Variants in DPP10 observed in about 807,000 individuals in gnomAD.
DPP10 encodes the protein dipeptidyl peptidase like 10, also known as inactive dipeptidyl peptidase 10.
Under a neutral mutation model 120.9 loss-of-function variants are expected in DPP10, and 33 were observed. The ratio of observed to expected loss-of-function variants is 0.27; its 90% CI spans 0.21 to 0.37. DPP10 has a LOEUF of 0.37. DPP10 is among the 10% of genes least tolerant of loss of function. The probability of loss-of-function intolerance (pLI) is 1.00; values close to 1 mark genes in which losing one functional copy is unlikely to be tolerated. For missense variants in DPP10, 816 were observed against 942.8 expected (o/e 0.87, Z 1.76); for synonymous variants, 337 against 326.1 (o/e 1.03, Z -0.36).
At chr2:115,370,978 C>T (rs865964928) in intron 3 of DPP10, among the ~76,000 whole-genome samples, 8 of 152,010 alleles carry the variant, frequency 5.3e-5, no homozygotes, top group African/African-American at 9.7e-5. Flanking sequence ...TTTTTCTGCC[C>T]AAAGAGTTGT....
intron 1 of DPP10, among the ~76,000 whole-genome samples, chr2:114,895,340 C>A (rs1183933227): frequency 1.3e-5 from 2 of 152,228 alleles, no homozygotes; most frequent in Non-Finnish European, 2.9e-5. Flanking sequence ...TAGAGACTCA[C>A]CAAACCCCTT....
chr2:115,011,662 G>C (rs531147759), intron 1 of DPP10, among the ~76,000 whole-genome samples: 2 of 152,026 alleles, frequency 1.3e-5, no homozygotes, highest in Non-Finnish European at 2.9e-5. Flanking sequence ...TGGCAGATAG[G>C]AGACAGGACT....
intron 20 of DPP10, 127 bp from the exon 21 acceptor site, chr2:115,815,548 C>T (rs1687131448): frequency 5.2e-6 from 4 of 774,214 alleles, no homozygotes; most frequent in Non-Finnish European, 7.7e-6. Context: ...AATACATGAA[C>T]AGAGCTACAG....
At chr2:114,601,052 A>G (rs1176296951) in intron 1 of DPP10, among the ~76,000 whole-genome samples, 1 of 151,884 alleles carries the variant, frequency 6.6e-6, no homozygotes, top group Non-Finnish European at 1.5e-5. Flanking sequence ...AACGACTCAC[A>G]TTTCCTATGT....
chr2:115,474,723 T>C (rs867191030), intron 3 of DPP10, among the ~76,000 whole-genome samples: 1 of 63,812 alleles, frequency 1.6e-5, no homozygotes, highest in African/African-American at 6.3e-5. Context: ...CCTGACCATG[T>C]GATAGAAAAA....
chr2:114,857,284 C>T (rs1490599511), intron 1 of DPP10, among the ~76,000 whole-genome samples: 1 of 152,074 alleles, frequency 6.6e-6, no homozygotes, highest in East Asian at 1.9e-4. Context: ...CAAAATGCAC[C>T]TGGGTGTTTT....
intron 1 of DPP10, among the ~76,000 whole-genome samples, chr2:114,732,621 G>A (rs7606549): frequency 0.47 from 72,102 of 151,990 alleles, 17,328 homozygotes; most frequent in South Asian, 0.56. Context: ...GTGACTACAC[G>A]TAATTTGCAT....
chr2:114,604,990 C>A (rs1395992574), intron 1 of DPP10, among the ~76,000 whole-genome samples: 2 of 152,058 alleles, frequency 1.3e-5, no homozygotes, highest in African/African-American at 4.8e-5. Flanking sequence ...GAATGAGCAT[C>A]TCTTCTGTTG....
At chr2:114,946,665 A>G (rs1457467568) in intron 1 of DPP10, among the ~76,000 whole-genome samples, 2 of 152,032 alleles carry the variant, frequency 1.3e-5, no homozygotes, top group African/African-American at 4.8e-5. Context: ...TATCCTTTTT[A>G]TACATCAATA....
intron 1 of DPP10, among the ~76,000 whole-genome samples, chr2:115,183,277 G>A (rs981549922): frequency 5.3e-5 from 8 of 151,662 alleles, no homozygotes; most frequent in African/African-American, 1.9e-4. Flanking sequence ...TATAAATTTT[G>A]TGGAAAAAAA....
intron 1 of DPP10, among the ~76,000 whole-genome samples, chr2:114,914,728 C>A (rs976049094): frequency 1.3e-5 from 2 of 152,210 alleles, no homozygotes; most frequent in Admixed American, 6.5e-5. Context: ...AATGGGCTAA[C>A]TGCTCCACTT....
At chr2:114,497,280 C>CGT (rs1491373663) in intron 1 of DPP10, among the ~76,000 whole-genome samples, 1 of 50,464 alleles carries the variant, frequency 2.0e-5, no homozygotes, top group Non-Finnish European at 4.8e-5. Context: ...TACATGTATA[C>CGT]GTGTATACAT....
intron 1 of DPP10, among the ~76,000 whole-genome samples, chr2:114,667,368 T>C (rs1399820910): frequency 6.6e-6 from 1 of 152,224 alleles, no homozygotes; most frequent in Non-Finnish European, 1.5e-5. Context: ...TTTGTTGGTA[T>C]CTTTCTAGTT....
At chr2:114,597,538 A>C (rs10496467) in intron 1 of DPP10, among the ~76,000 whole-genome samples, 8 of 151,878 alleles carry the variant, frequency 5.3e-5, no homozygotes, top group Non-Finnish European at 1.0e-4. Context: ...TAGACATTAG[A>C]AATGAAGGCT....
intron 5 of DPP10, among the ~76,000 whole-genome samples, chr2:115,688,233 A>C (rs547917095): frequency 2.1e-4 from 32 of 152,296 alleles, no homozygotes; most frequent in South Asian, 1.0e-3. Context: ...CTCAGATTTA[A>C]TAGTTATTCC....
At chr2:115,533,687 G>T (rs1444892554) in intron 5 of DPP10, among the ~76,000 whole-genome samples, 1 of 151,944 alleles carries the variant, frequency 6.6e-6, no homozygotes, top group Non-Finnish European at 1.5e-5. Context: ...TACATTCGGG[G>T]TTCACTAATA....
chr2:114,452,282 T>A (rs572439782), intron 1 of DPP10, among the ~76,000 whole-genome samples: 4 of 152,236 alleles, frequency 2.6e-5, no homozygotes, highest in Admixed American at 1.3e-4. Context: ...ATTTTCTTCC[T>A]CATTCTCTGA....
chr2:115,463,258 A>T (rs947609623), intron 3 of DPP10, among the ~76,000 whole-genome samples: 1 of 152,168 alleles, frequency 6.6e-6, no homozygotes, highest in African/African-American at 2.4e-5. Flanking sequence ...TTCAGCTCTG[A>T]GATTCCTATA....
intron 5 of DPP10, among the ~76,000 whole-genome samples, chr2:115,538,267 G>C (rs189187329): frequency 1.3e-5 from 2 of 151,988 alleles, no homozygotes; most frequent in East Asian, 3.9e-4. Context: ...GTTAGGTGTA[G>C]TGAGGTTAGG....
Sources: allele counts gnomAD v4.1 joint callset (sites outside exome capture counted in the v4.1 genomes callset), GRCh38; gene constraint gnomAD v4.1.1; transcripts MANE v1.5; gene names NCBI Gene and HGNC (gene_info 2026-07-23, HGNC 2026-07-21).